CTNND2: variants seen among roughly 807,000 people sequenced by gnomAD.
The protein encoded by CTNND2 is catenin delta 2.
Under a neutral mutation model 144.4 loss-of-function variants are expected in CTNND2, and 22 were observed. The ratio of observed to expected loss-of-function variants is 0.15; its 90% confidence interval spans 0.11 to 0.22. The LOEUF (loss-of-function observed/expected upper bound fraction) is 0.22. Ranked by LOEUF, CTNND2 falls within the 10% of genes least tolerant of loss-of-function variation. CTNND2 has a pLI of 1.00. For missense variants in CTNND2, 1,353 were observed against 1,618.8 expected, an observed-to-expected ratio of 0.84 and a Z score of 2.82; for synonymous variants, 751 against 695.6, an observed-to-expected ratio of 1.08 and a Z score of -1.25.
chr5:11,849,719 T>C (rs1439807083), intron 1 of CTNND2, among the ~76,000 whole-genome samples: 1 of 152,188 alleles, frequency 6.6e-6, no homozygotes, highest in Admixed American at 6.5e-5. Flanking sequence ...GAGAACTTGA[T>C]GAAGTGTCCC....
At chr5:11,692,177 A>C (rs896276103) in intron 2 of CTNND2, among the ~76,000 whole-genome samples, 1 of 152,256 alleles carries the variant, frequency 6.6e-6, no homozygotes, top group Non-Finnish European at 1.5e-5. Flanking sequence ...CATGGCTGCA[A>C]TGTATTTTGT....
intron 5 of CTNND2, among the ~76,000 whole-genome samples, chr5:11,401,812 A>G (rs1159755109): frequency 6.6e-6 from 1 of 152,200 alleles, no homozygotes; most frequent in African/African-American, 2.4e-5. Flanking sequence ...TGTGTTCTTA[A>G]GCACACTTCA....
chr5:11,073,529 G>A (rs368443822), intron 16 of CTNND2, among the ~76,000 whole-genome samples: 3 of 152,236 alleles, frequency 2.0e-5, no homozygotes, highest in African/African-American at 7.2e-5. Flanking sequence ...TATTTCCAAG[G>A]GACAAATCAT....
intron 14 of CTNND2, among the ~76,000 whole-genome samples, chr5:11,102,559 C>G (rs186994969): frequency 3.9e-5 from 6 of 152,308 alleles, no homozygotes; most frequent in African/African-American, 1.4e-4. Context: ...TGTATCAGCA[C>G]TTTTCTTTAC....
intron 9 of CTNND2, among the ~76,000 whole-genome samples, chr5:11,323,682 A>T (rs540265117): frequency 4.7e-4 from 72 of 152,310 alleles, no homozygotes; most frequent in African/African-American, 1.7e-3. Flanking sequence ...ACAAATATTA[A>T]GTTGAGGCAA....
intron 3 of CTNND2, among the ~76,000 whole-genome samples, chr5:11,498,426 T>C (rs1770200913): frequency 6.6e-6 from 1 of 152,178 alleles, no homozygotes; most frequent in Non-Finnish European, 1.5e-5. Flanking sequence ...ACCTTTTAAT[T>C]GAATGAAAAC....
chr5:11,470,980 A>ATATATATATATTT (rs1219093645), intron 3 of CTNND2, among the ~76,000 whole-genome samples: 15 of 91,530 alleles, frequency 1.6e-4, no homozygotes, highest in East Asian at 5.6e-4. Flanking sequence ...ATATATATAT[A>ATATATATATATTT]TTTTTTTTTT....
intron 3 of CTNND2, among the ~76,000 whole-genome samples, chr5:11,446,560 G>C (rs1281294748): frequency 6.6e-6 from 1 of 152,152 alleles, no homozygotes; most frequent in Non-Finnish European, 1.5e-5. Context: ...GGTGACAAAG[G>C]GGTCTCAGAT....
chr5:11,284,064 A>G (rs1747465168), intron 9 of CTNND2, among the ~76,000 whole-genome samples: 1 of 152,084 alleles, frequency 6.6e-6, no homozygotes, highest in Admixed American at 6.6e-5. Context: ...GCACATTCCC[A>G]CTGCTGCCTG....
Position 11,067,458 on chromosome 5 carries a change from T to A in CTNND2, c.2788+15238A>T, listed in dbSNP as rs545512963. 2.6e-5 allele frequency among the ~76,000 whole-genome samples: 4 copies of A among 152,312 alleles called. 1 individual carries two copies. The South Asian group carries it at 8.3e-4, about 32-fold the overall frequency. On this transcript the variant is annotated intron_variant, in intron 16 of 21. Coordinates refer to ENST00000304623, the MANE Select transcript of CTNND2 (RefSeq NM_001332.4). The stretch of plus-strand genomic sequence containing the variant: ...CAGAGACACAGCTTCAAAGAAACCA[T>A]GGGCCAAAGCGCAAGAGGGAATAAC...
chr5:11,301,302 C>A (rs1043725107), intron 9 of CTNND2, among the ~76,000 whole-genome samples: 29 of 152,102 alleles, frequency 1.9e-4, no homozygotes, highest in Admixed American at 1.4e-3. Flanking sequence ...CAGTCATGAG[C>A]CACCGCGCCC....
At chr5:11,697,165 T>A (rs926042195) in intron 2 of CTNND2, among the ~76,000 whole-genome samples, 10 of 152,204 alleles carry the variant, frequency 6.6e-5, no homozygotes, top group Admixed American at 4.6e-4. Flanking sequence ...GCAGGCATGG[T>A]AGATTTTGGT....
At chr5:11,525,784 G>A (rs185394302) in intron 3 of CTNND2, among the ~76,000 whole-genome samples, 8 of 152,350 alleles carry the variant, frequency 5.3e-5, no homozygotes, top group East Asian at 1.9e-4. Flanking sequence ...AAGGTGCAGC[G>A]ATGGGATGGT....
At chr5:11,703,518 T>C (rs1290413289) in intron 2 of CTNND2, among the ~76,000 whole-genome samples, 1 of 152,224 alleles carries the variant, frequency 6.6e-6, no homozygotes, top group Non-Finnish European at 1.5e-5. Flanking sequence ...GCTGCAGAGT[T>C]ACACCTTCTG....
chr5:11,627,803 G>A (rs549560531), intron 2 of CTNND2, among the ~76,000 whole-genome samples: 2 of 150,478 alleles, frequency 1.3e-5, no homozygotes, highest in East Asian at 3.9e-4. Flanking sequence ...TGAGAACCCT[G>A]AGCCTGTTTT....
intron 3 of CTNND2, among the ~76,000 whole-genome samples, chr5:11,458,548 G>C (rs1032648555): frequency 5.3e-5 from 8 of 152,204 alleles, no homozygotes; most frequent in Non-Finnish European, 1.2e-4. Flanking sequence ...AGCAGACACA[G>C]TTGGGAAGGC....
chr5:11,177,121 T>C (rs544786775), intron 11 of CTNND2, among the ~76,000 whole-genome samples: 5 of 152,220 alleles, frequency 3.3e-5, no homozygotes, highest in African/African-American at 4.8e-5. Context: ...ATGGAGTTTA[T>C]AAATTCCTGC....
intron 16 of CTNND2, among the ~76,000 whole-genome samples, chr5:11,023,401 A>G (rs1394736242): frequency 6.6e-6 from 1 of 152,246 alleles, no homozygotes; most frequent in Non-Finnish European, 1.5e-5. Context: ...ATAGAAGTCA[A>G]GAAAAATGTA....
chr5:11,887,077 G>C lies in CTNND2; in HGVS notation c.37+16740C>G, dbSNP rs545691469. 2.2e-5 allele frequency among the ~76,000 whole-genome samples: 3 copies of C among 139,398 alleles called. No homozygotes were observed. In the South Asian group the frequency reaches 7.1e-4, roughly 33 times the overall value. The allele number at this position is 139,398 out of a possible 152,430, so 91.5% of individuals were successfully genotyped here. ...CGGCTCACTGCAAGCTCTGCCTCCC[G>C]GGTTCACTCCATTCTTCTGCCTCAG... On this transcript the variant is annotated intron_variant, in intron 1 of 21. Coordinates refer to ENST00000304623, the MANE Select transcript of CTNND2 (RefSeq NM_001332.4).
Sources: allele counts gnomAD v4.1 joint callset (sites outside exome capture counted in the v4.1 genomes callset), GRCh38; gene constraint gnomAD v4.1.1; transcripts MANE v1.5; gene names NCBI Gene and HGNC (gene_info 2026-07-23, HGNC 2026-07-21).